The following BNC2 variants were observed in gnomAD, a reference collection of about 807,000 sequenced individuals.
BNC2 encodes basonuclin zinc finger protein 2, also known as zinc finger protein basonuclin-2.
A neutral mutation model predicts 76.3 loss-of-function variants in BNC2; 20 were observed. That is an observed-to-expected ratio of 0.26 (90% CI 0.18 to 0.38). The LOEUF is 0.38. Ranked by LOEUF, BNC2 falls within the 10% of genes least tolerant of loss-of-function variation. BNC2 has a pLI of 1.00. For missense variants in BNC2, 1,382 were observed against 1,399.8 expected (o/e 0.99, Z 0.20); for synonymous variants, 582 against 514.8 (o/e 1.13, Z -1.77).
intron 3 of BNC2, among the ~76,000 whole-genome samples, chr9:16,666,213 A>G (rs1249971263): frequency 6.6e-6 from 1 of 152,168 alleles, no homozygotes; most frequent in Non-Finnish European, 1.5e-5. Context: ...ACCTTCTAAC[A>G]TACTTTCCTC....
At chr9:16,712,946 T>C (rs1290316374) in intron 3 of BNC2, among the ~76,000 whole-genome samples, 2 of 152,142 alleles carry the variant, frequency 1.3e-5, no homozygotes, top group Non-Finnish European at 2.9e-5. Flanking sequence ...TTAACTGAGG[T>C]AGGAACTAAA....
intron 5 of BNC2, among the ~76,000 whole-genome samples, chr9:16,446,786 G>A: frequency 1.6e-5 from 1 of 60,646 alleles, no homozygotes; most frequent in Admixed American, 2.2e-4. Context: ...CAGTGATTAT[G>A]ATAGATCACT....
intron 2 of BNC2, 93 bp downstream of exon 2, chr9:16,738,267 G>T: frequency 1.4e-6 from 2 of 1,394,040 alleles, no homozygotes; most frequent in Non-Finnish European, 1.0e-6. Flanking sequence ...AAGAGTGGCA[G>T]AAAGAAGAGG....
Position 16,760,580 on chromosome 9 carries a change from G to A in BNC2, c.4-22095C>T, listed in dbSNP as rs1230060030. 2.6e-5 allele frequency among the ~76,000 whole-genome samples: 4 copies of A among 152,234 alleles called. No homozygotes were observed. The East Asian group carries it at 7.7e-4, about 29-fold the overall frequency. On this transcript the variant is annotated intron_variant, in intron 1 of 6. Coordinates refer to ENST00000380672, the MANE Select transcript of BNC2 (RefSeq NM_017637.6). ...AGCAACTACAGGGATATGAATACCAGGAGATCCCCAGTAATCTGCGTTAAG... is the reference window on the plus strand; with the variant it reads ...AGCAACTACAGGGATATGAATACCAAGAGATCCCCAGTAATCTGCGTTAAG...
intron 5 of BNC2, among the ~76,000 whole-genome samples, chr9:16,469,757 T>G (rs1821780118): frequency 6.6e-6 from 1 of 152,108 alleles, no homozygotes; most frequent in African/African-American, 2.4e-5. Flanking sequence ...AAAATGCTGA[T>G]AGCAATATGG....
In BNC2 at chr9:16,418,879, A is replaced by G. The variant is rs773061310; in HGVS notation, c.*110T>C. 8.9e-5 allele frequency: 104 copies of G among 1,165,848 alleles called. No individual in the cohort carries two copies. Among genetic ancestry groups the G allele is most frequent in the Non-Finnish European group, 1.1e-4 (88 of 779,678 alleles). 72.2% of individuals were successfully genotyped at this position (1,165,848 alleles called of 1,614,324 possible). ...CCACAGAGCATACATAAATGCACAC[A>G]CACACACACACACACACACACCCCA... On this transcript the variant is annotated 3_prime_UTR_variant, in exon 7 of 7. Coordinates refer to ENST00000380672, the MANE Select transcript of BNC2 (RefSeq NM_017637.6).
At position 16,634,882 on chromosome 9, in the gene BNC2, G is replaced by A. The variant is rs1328028268; in HGVS notation, c.331-51797C>T. Among the ~76,000 whole-genome samples, 3 of 106,420 alleles carry A rather than the reference G, an allele frequency of 2.8e-5. No homozygotes were observed. In the East Asian group the frequency reaches 6.5e-4, roughly 23 times the overall value. 69.8% of individuals were successfully genotyped at this position (106,420 alleles called of 152,430 possible). ...GGGAGGGGGAACACATACTAATAAA[G>A]GTGTTTTTTTTTTTCTTTTAATCCA... On this transcript the variant is annotated intron_variant, in intron 3 of 6. Transcript: ENST00000380672.
intron 1 of BNC2, among the ~76,000 whole-genome samples, chr9:16,766,800 CTTTGCTTTTCCT>C (rs1196259771): frequency 6.6e-6 from 1 of 152,136 alleles, no homozygotes; most frequent in Non-Finnish European, 1.5e-5. Context: ...GGGAAGGTTA[CTTTGCTTTTCCT>C]GAAGAGTCTA....
intron 1 of BNC2, among the ~76,000 whole-genome samples, chr9:16,793,906 G>C (rs1263430508): frequency 3.2e-5 from 4 of 125,860 alleles, no homozygotes; most frequent in Admixed American, 1.9e-4. Flanking sequence ...GTTTCACCGT[G>C]TTAGCCAGGA....
chr9:16,460,299 G>A lies in BNC2; in HGVS notation c.670-22775C>T, dbSNP rs1325891756. Among the ~76,000 whole-genome samples the A allele has an allele frequency of 2.0e-5, 3 of 151,626 alleles. No homozygotes were observed. In the East Asian group the frequency reaches 5.8e-4, roughly 29 times the overall value. On this transcript the variant is annotated intron_variant, in intron 5 of 6. Coordinates refer to ENST00000380672, the MANE Select transcript of BNC2 (RefSeq NM_017637.6). ...TCTCCCTTCTTGGAAATAAGTGGAG[G>A]TAAAACGGAACAGAAAAAAAAAAAA...
At chr9:16,547,206 T>C (rs1275199828) in intron 5 of BNC2, among the ~76,000 whole-genome samples, 1 of 152,268 alleles carries the variant, frequency 6.6e-6, no homozygotes, top group East Asian at 1.9e-4. Context: ...TTGCTTAATA[T>C]GGATGTTTTC....
chr9:16,683,877 C>T (rs145770593), intron 3 of BNC2, among the ~76,000 whole-genome samples: 5 of 152,288 alleles, frequency 3.3e-5, no homozygotes, highest in African/African-American at 1.2e-4. Context: ...AATCCTTCCA[C>T]GCAGTCCACC....
chr9:16,654,329 A>C, intron 3 of BNC2, among the ~76,000 whole-genome samples: 1 of 152,208 alleles, frequency 6.6e-6, no homozygotes. Flanking sequence ...AAGCATTATT[A>C]AAGAGTCCAT....
chr9:16,815,820 T>C (rs950581501), intron 1 of BNC2, among the ~76,000 whole-genome samples: 10 of 152,200 alleles, frequency 6.6e-5, no homozygotes, highest in African/African-American at 2.4e-4. Context: ...GTAAGGGGCA[T>C]TATCTTTCAA....
rs200096485 is a variant in BNC2, at chr9:16,727,855, C to G, written c.272G>C (p.Gly91Ala). ...FGTRTTTAEP[G>A]FMGTWQNADT... is the part of the protein sequence containing the mutation. ...AGCGTTTTGCCATGTCCCCATGAAC[C>G]CTGGTTCAGCCGTAGTCGTTCTGGT... Residue 91 changes from glycine to alanine, a missense_variant, in exon 3 of 7, where the codon GGG becomes GCG. Around this residue, in one of 3 missense-constraint regions of BNC2, gnomAD observed 557 missense variants for 540.9 expected, o/e 1.03. Coordinates refer to ENST00000380672, the MANE Select transcript of BNC2 (RefSeq NM_017637.6). 2.1e-5 allele frequency: 34 copies of G among 1,614,026 alleles called. No homozygotes were observed. Among genetic ancestry groups the G allele is most frequent in the African/African-American group, 4.0e-5 (3 of 74,908 alleles).
intron 5 of BNC2, among the ~76,000 whole-genome samples, chr9:16,469,932 C>G (rs1006329633): frequency 1.3e-5 from 2 of 151,196 alleles, no homozygotes; most frequent in African/African-American, 4.9e-5. Flanking sequence ...TTAGGGTTAT[C>G]TGGCAGAAGA....
chr9:16,588,369 T>C (rs1819830363), intron 3 of BNC2, among the ~76,000 whole-genome samples: 1 of 152,212 alleles, frequency 6.6e-6, no homozygotes, highest in Non-Finnish European at 1.5e-5. Flanking sequence ...ATGAACACTT[T>C]GACATACATA....
chr9:16,646,901 C>T (rs1293241543), intron 3 of BNC2, among the ~76,000 whole-genome samples: 1 of 152,130 alleles, frequency 6.6e-6, no homozygotes, highest in Non-Finnish European at 1.5e-5. Flanking sequence ...CTGAGTCCCC[C>T]GCATAAGTTA....
chr9:16,477,377 A>T (rs10116761), intron 5 of BNC2, among the ~76,000 whole-genome samples: 1,836 of 146,160 alleles, frequency 0.013, 36 homozygotes, highest in African/African-American at 0.043. Context: ...CAAGGAGATT[A>T]AAAAAAAAAA....
Sources: allele counts gnomAD v4.1 joint callset (sites outside exome capture counted in the v4.1 genomes callset), GRCh38; gene constraint gnomAD v4.1.1; regional missense constraint gnomAD v4.1.1; transcripts MANE v1.5; gene names NCBI Gene and HGNC (gene_info 2026-07-23, HGNC 2026-07-21).